Variants in TEKT5 observed in about 807,000 individuals in gnomAD.
TEKT5 encodes tektin 5.
In TEKT5, 52 loss-of-function variants were observed where a neutral mutation model predicts 48.7. The observed-to-expected ratio is 1.07, with a 90% CI of 0.86 to 1.35. The LOEUF (loss-of-function observed/expected upper bound fraction) is 1.35. TEKT5 is among the 40% of genes most tolerant of loss of function. The pLI, the probability that TEKT5 is intolerant of heterozygous loss-of-function variation, is 0.00. For missense variants in TEKT5, 831 were observed against 641.6 expected, an observed-to-expected ratio of 1.30 and a Z score of -3.19; for synonymous variants, 318 against 267.6, an observed-to-expected ratio of 1.19 and a Z score of -1.84.
At chr16:10,650,036 C>T (rs1329493349) in intron 5 of TEKT5, among the ~76,000 whole-genome samples, 7 of 151,928 alleles carry the variant, frequency 4.6e-5, no homozygotes, top group Non-Finnish European at 8.8e-5. Flanking sequence ...CTGGTCTCCT[C>T]CCACTCCCCC....
At chr16:10,635,998 A>G (rs1312091402) in intron 5 of TEKT5, 80 bp from the exon 6 acceptor site, 1 of 1,564,720 alleles carries the variant, frequency 6.4e-7, no homozygotes, top group Admixed American at 1.8e-5. Flanking sequence ...GGAGCAAGTC[A>G]GCTAGGTCAG....
chr16:10,674,847 C>T lies in TEKT5; in HGVS notation c.1086+1112G>A, dbSNP rs1305049207. Among the ~76,000 whole-genome samples, 3 of 149,016 alleles carry T rather than the reference C, an allele frequency of 2.0e-5. No homozygotes were observed. In the Admixed American group the frequency reaches 2.0e-4, roughly 10 times the overall value. ...CTTATTTTTTTTTTTTTTCTTGATA[C>T]GGGGTCTCGCTGTCACCCAGGTTGG... On this transcript the variant is annotated intron_variant, in intron 5 of 6. Coordinates refer to ENST00000283025, the MANE Select transcript of TEKT5 (RefSeq NM_144674.2).
intron 5 of TEKT5, among the ~76,000 whole-genome samples, chr16:10,644,645 A>G (rs893454490): frequency 5.9e-5 from 9 of 152,210 alleles, no homozygotes; most frequent in Non-Finnish European, 1.3e-4. Flanking sequence ...GGCACCAGGA[A>G]ATGGCTTCCT....
intron 5 of TEKT5, among the ~76,000 whole-genome samples, chr16:10,670,968 G>A (rs1273856462): frequency 1.3e-5 from 2 of 151,762 alleles, no homozygotes; most frequent in Non-Finnish European, 2.9e-5. Flanking sequence ...GCAGTGCCAC[G>A]ATCATAGCTC....
intron 6 of TEKT5, 28 bp downstream of exon 6, chr16:10,635,736 C>T (rs1198754957): frequency 1.9e-6 from 3 of 1,599,724 alleles, no homozygotes; most frequent in South Asian, 1.1e-5. Flanking sequence ...CAGGGGTTCT[C>T]CTGCCTCCTC....
In TEKT5 at chr16:10,627,607, G is replaced by T. The variant is rs770539745; in HGVS notation, c.1434C>A (p.Thr478=). 6.8e-6 allele frequency: 11 copies of T among 1,614,056 alleles called. No individual in the cohort carries two copies. In the African/African-American group the frequency reaches 1.3e-4, roughly 20 times the overall value. Residue 478 remains threonine, a synonymous_variant, in exon 7 of 7, where the codon ACC becomes ACA. Coordinates refer to ENST00000283025, the MANE Select transcript of TEKT5 (RefSeq NM_144674.2). ...CMGMRKTFPC[T]PRLVGHT is the part of the protein sequence containing the mutation. Reference sequence around the variant, plus strand: ...CTCAGGTGTGGCCCACCAGGCGCGGGGTGCAGGGGAAGGTCTTACGCATGC... The same window carrying T: ...CTCAGGTGTGGCCCACCAGGCGCGGTGTGCAGGGGAAGGTCTTACGCATGC...
At position 10,694,739 on chromosome 16, in the gene TEKT5, G is replaced by GCGGTAC. The variant is rs1567238952; in HGVS notation, c.129_134dup (p.Arg45_Tyr46dup). Reference sequence around the variant, plus strand: ...GGCTAGGCCTCCATGAATTGAGGTAGCGGTACCCGGGCAGGTAGTAGGGCT... The same window carrying GCGGTAC: ...GGCTAGGCCTCCATGAATTGAGGTAGCGGTACCGGTACCCGGGCAGGTAGTAGGGCT... On this transcript the variant is annotated inframe_insertion, in exon 1 of 7. Coordinates refer to ENST00000283025, the MANE Select transcript of TEKT5 (RefSeq NM_144674.2). 1 of 1,614,018 alleles carries GCGGTAC rather than the reference G, an allele frequency of 6.2e-7. No homozygotes were observed. Among genetic ancestry groups the GCGGTAC allele is most frequent in the Non-Finnish European group, 8.5e-7 (1 of 1,179,998 alleles).
intron 3 of TEKT5, among the ~76,000 whole-genome samples, 173 bp downstream of exon 3, chr16:10,689,080 T>A (rs938038617): frequency 6.6e-6 from 1 of 151,694 alleles, no homozygotes; most frequent in African/African-American, 2.4e-5. Context: ...GATACTATGA[T>A]CAGGACTCTT....
At chr16:10,653,671 G>T (rs1250905378) in intron 5 of TEKT5, among the ~76,000 whole-genome samples, 1 of 152,186 alleles carries the variant, frequency 6.6e-6, no homozygotes, top group Non-Finnish European at 1.5e-5. Flanking sequence ...CAAACACTTT[G>T]GGAGGCCAAG....
At chr16:10,690,517 G>T in intron 1 of TEKT5, 1 of 953,866 alleles carries the variant, frequency 1.0e-6, no homozygotes, top group Non-Finnish European at 1.2e-6. Context: ...CCATATTGGT[G>T]CCTATCTCAC....
chr16:10,683,753 G>A (rs1472091478), intron 3 of TEKT5, among the ~76,000 whole-genome samples: 5 of 152,214 alleles, frequency 3.3e-5, no homozygotes, highest in Non-Finnish European at 5.9e-5. Flanking sequence ...ACCACTCCCG[G>A]CTGATTTTTG....
intron 5 of TEKT5, among the ~76,000 whole-genome samples, chr16:10,662,673 C>A (rs1898393441): frequency 6.6e-6 from 1 of 152,196 alleles, no homozygotes; most frequent in South Asian, 2.1e-4. Flanking sequence ...ACTATCTTGG[C>A]AAATTCTTTT....
chr16:10,660,036 C>T (rs375511529), intron 5 of TEKT5, among the ~76,000 whole-genome samples: 15 of 152,244 alleles, frequency 9.9e-5, no homozygotes, highest in South Asian at 4.2e-4. Flanking sequence ...ACAAGGAATC[C>T]ACCTTCAGAA....
intron 5 of TEKT5, among the ~76,000 whole-genome samples, chr16:10,638,646 G>C (rs1029719366): frequency 3.3e-5 from 5 of 152,176 alleles, no homozygotes; most frequent in African/African-American, 1.2e-4. Flanking sequence ...CATCTTCATG[G>C]GGTCACCTGC....
At chr16:10,675,413 A>C (rs1425491955) in intron 5 of TEKT5, among the ~76,000 whole-genome samples, 1 of 152,188 alleles carries the variant, frequency 6.6e-6, no homozygotes, top group Non-Finnish European at 1.5e-5. Flanking sequence ...AAAAAGCATG[A>C]CGCAAAACGC....
At chr16:10,629,746 T>A (rs539210092) in intron 6 of TEKT5, among the ~76,000 whole-genome samples, 2 of 129,198 alleles carry the variant, frequency 1.5e-5, no homozygotes, top group African/African-American at 3.0e-5. Flanking sequence ...GGGAGGATAG[T>A]CCCTGCCAGC....
chr16:10,658,711 G>C (rs1388448302), intron 5 of TEKT5, among the ~76,000 whole-genome samples: 3 of 106,844 alleles, frequency 2.8e-5, no homozygotes, highest in Non-Finnish European at 5.7e-5. Flanking sequence ...TTTAGGACTA[G>C]ATATTTCTTT....
At chr16:10,658,924 G>T (rs922332975) in intron 5 of TEKT5, among the ~76,000 whole-genome samples, 6 of 152,054 alleles carry the variant, frequency 3.9e-5, no homozygotes, top group Admixed American at 6.6e-5. Context: ...CACCATGTTG[G>T]TCAGGCTGGT....
At position 10,658,241 on chromosome 16, in the gene TEKT5, T is replaced by C. The variant is rs73510059; in HGVS notation, c.1086+17718A>G. On this transcript the variant is annotated intron_variant, in intron 5 of 6. Transcript: ENST00000283025. ...ACTGAAGCTGAAGATACACCCACTC[T>C]ATGAGCCAGGGATTCCGTTCCTGGG... Among the ~76,000 whole-genome samples, 291 of 152,284 alleles carry C rather than the reference T, an allele frequency of 1.9e-3. 4 individuals carry two copies. Among genetic ancestry groups the C allele is most frequent in the African/African-American group, 6.9e-3 (285 of 41,554 alleles).
Sources: gnomAD v4.1 joint callset for allele counts (sites outside exome capture counted in the v4.1 genomes callset) on GRCh38, gnomAD v4.1.1 for gene constraint, MANE v1.5 for transcripts, NCBI Gene and HGNC (gene_info 2026-07-23, HGNC 2026-07-21) for gene names.